PPP1R12B: variants seen among roughly 807,000 people sequenced by gnomAD.
PPP1R12B encodes protein phosphatase 1 regulatory subunit 12B.
PPP1R12B carries 76 observed loss-of-function variants against 126.1 expected under a neutral mutation model. That is an observed-to-expected ratio of 0.60 (90% CI 0.50 to 0.73). The LOEUF (loss-of-function observed/expected upper bound fraction) is 0.73. PPP1R12B is among the 30% of genes least tolerant of loss of function. The pLI is 0.00. For missense variants in PPP1R12B, 1,052 were observed against 1,205.1 expected, an observed-to-expected ratio of 0.87 and a Z score of 1.88; for synonymous variants, 356 against 434.7, an observed-to-expected ratio of 0.82 and a Z score of 2.25.
At chr1:202,362,209 G>A (rs763180916) in intron 1 of PPP1R12B, among the ~76,000 whole-genome samples, 59 of 152,146 alleles carry the variant, frequency 3.9e-4, no homozygotes, top group Non-Finnish European at 7.4e-4. Context: ...GGGTCCTGTG[G>A]ATGCAGCTTC....
At chr1:202,504,910 G>A (rs963061117) in intron 18 of PPP1R12B, among the ~76,000 whole-genome samples, 2 of 152,178 alleles carry the variant, frequency 1.3e-5, no homozygotes, top group Non-Finnish European at 2.9e-5. Flanking sequence ...AAATAGAGAT[G>A]ATTACAATCC....
chr1:202,365,256 C>T lies in PPP1R12B; in HGVS notation c.291+16114C>T, dbSNP rs1406536352. On this transcript the variant is annotated intron_variant, in intron 1 of 23. Transcript: ENST00000608999. The stretch of plus-strand genomic sequence containing the variant: ...CTTGAGGCCAGGAGTTTGAGACCAG[C>T]CTGGGCATTTTTAGAGACAGGGAAA... Among the ~76,000 whole-genome samples the T allele has an allele frequency of 2.0e-5, 3 of 151,742 alleles. No homozygotes were observed. The South Asian group carries it at 6.2e-4, about 32-fold the overall frequency.
At chr1:202,529,031 T>C (rs1188980765) in intron 18 of PPP1R12B, among the ~76,000 whole-genome samples, 1 of 152,152 alleles carries the variant, frequency 6.6e-6, no homozygotes, top group Non-Finnish European at 1.5e-5. Context: ...TCTGGAGGAT[T>C]CAGATGACAC....
At chr1:202,525,625 TAGAG>T (rs1410142628) in intron 18 of PPP1R12B, among the ~76,000 whole-genome samples, 2 of 151,106 alleles carry the variant, frequency 1.3e-5, no homozygotes, top group African/African-American at 4.9e-5. Flanking sequence ...TTTTTTTTTT[TAGAG>T]AGAAGTTTTT....
intron 13 of PPP1R12B, chr1:202,462,852 T>C (rs1404641085): frequency 1.0e-6 from 1 of 985,186 alleles, no homozygotes; most frequent in African/African-American, 1.7e-5. Context: ...GCTGCACAAG[T>C]GTGTGGCAAG....
intron 1 of PPP1R12B, among the ~76,000 whole-genome samples, chr1:202,391,103 A>AT (rs1259417622): frequency 6.6e-6 from 1 of 152,168 alleles, no homozygotes; most frequent in African/African-American, 2.4e-5. Flanking sequence ...AGAGTGAGAG[A>AT]TATTTGCAAA....
intron 18 of PPP1R12B, chr1:202,501,903 T>C (rs1233485787): frequency 1.0e-6 from 1 of 984,900 alleles, no homozygotes; most frequent in Non-Finnish European, 1.2e-6. Context: ...TCTCACCTCC[T>C]TGAGTGAAGG....
intron 1 of PPP1R12B, among the ~76,000 whole-genome samples, chr1:202,372,853 A>G (rs1660530290): frequency 6.6e-6 from 1 of 152,084 alleles, no homozygotes; most frequent in South Asian, 2.1e-4. Context: ...TATTTATTTG[A>G]TTTTCTTACT....
At chr1:202,492,442 T>C (rs1290881399) in intron 14 of PPP1R12B, among the ~76,000 whole-genome samples, 1 of 152,236 alleles carries the variant, frequency 6.6e-6, no homozygotes, top group Non-Finnish European at 1.5e-5. Flanking sequence ...TGCACATAAC[T>C]ACTTGAGTTG....
Position 202,569,275 on chromosome 1 carries a change from G to T in PPP1R12B, c.2862+78G>T, listed in dbSNP as rs113534997. The stretch of plus-strand genomic sequence containing the variant: ...AGACTGGATATTTGAGCATAGGCCT[G>T]CCCCCTCCAGATTTCACTACAAACT... On this transcript the variant is annotated intron_variant, in intron 23 of 23. Transcript: ENST00000608999. 2,495 of 1,401,250 alleles carry T rather than the reference G, an allele frequency of 1.8e-3. 32 individuals carry two copies. In the African/African-American group the frequency reaches 0.029, roughly 16 times the overall value. 86.8% of individuals were successfully genotyped at this position (1,401,250 alleles called of 1,614,324 possible). A position where few individuals can be genotyped will look rare whatever the true frequency, so the allele number is the denominator to read the frequency against.
chr1:202,560,381 C>G (rs934100175), intron 19 of PPP1R12B, among the ~76,000 whole-genome samples: 2 of 152,170 alleles, frequency 1.3e-5, no homozygotes, highest in African/African-American at 4.8e-5. Context: ...AATAGCTACT[C>G]CATAGACAGA....
At chr1:202,486,170 C>T (rs570818329) in intron 13 of PPP1R12B, among the ~76,000 whole-genome samples, 3 of 152,310 alleles carry the variant, frequency 2.0e-5, no homozygotes, top group Non-Finnish European at 4.4e-5. Context: ...GCATGAGCTA[C>T]TGCTCCTGGC....
chr1:202,572,973 G>T (rs1356824350), intron 23 of PPP1R12B, among the ~76,000 whole-genome samples: 1 of 151,984 alleles, frequency 6.6e-6, no homozygotes, highest in Non-Finnish European at 1.5e-5. Flanking sequence ...CTTTCACCTT[G>T]ATCTGCTTAT....
chr1:202,426,155 A>G (rs1669471231), intron 4 of PPP1R12B, among the ~76,000 whole-genome samples: 1 of 152,210 alleles, frequency 6.6e-6, no homozygotes, highest in Middle Eastern at 3.2e-3. Context: ...AGCCAAACTT[A>G]TATGAGGGAT....
chr1:202,353,773 G>A (rs922750705), intron 1 of PPP1R12B, among the ~76,000 whole-genome samples: 4 of 151,900 alleles, frequency 2.6e-5, no homozygotes, highest in Non-Finnish European at 5.9e-5. Flanking sequence ...ATCATACCCA[G>A]CTAATTTTTA....
chr1:202,433,430 C>G (rs915113597), intron 8 of PPP1R12B, among the ~76,000 whole-genome samples: 2 of 152,168 alleles, frequency 1.3e-5, no homozygotes, highest in African/African-American at 4.8e-5. Flanking sequence ...TATGCTACAC[C>G]TCTGTTTAAA....
At chr1:202,438,917 C>T in intron 10 of PPP1R12B, 1 of 1,518,060 alleles carries the variant, frequency 6.6e-7, no homozygotes, top group South Asian at 1.1e-5. Context: ...GGCCCTGTGC[C>T]TGGAGGTGAC....
At chr1:202,526,724 C>A (rs776991838) in intron 18 of PPP1R12B, among the ~76,000 whole-genome samples, 1 of 152,004 alleles carries the variant, frequency 6.6e-6, no homozygotes, top group Non-Finnish European at 1.5e-5. Context: ...TGGAAAGATA[C>A]GATGTGGAGA....
At chr1:202,447,833 G>C (rs34533217) in intron 12 of PPP1R12B, among the ~76,000 whole-genome samples, 1 of 152,092 alleles carries the variant, frequency 6.6e-6, no homozygotes, top group Non-Finnish European at 1.5e-5. Flanking sequence ...CTATAGATTC[G>C]TATCTTGTAA....
Sources: gnomAD v4.1 joint callset for allele counts (sites outside exome capture counted in the v4.1 genomes callset) on GRCh38, gnomAD v4.1.1 for gene constraint, MANE v1.5 for transcripts, NCBI Gene and HGNC (gene_info 2026-07-23, HGNC 2026-07-21) for gene names.